Variants in KCNH8 observed in about 807,000 individuals in gnomAD.
KCNH8 encodes potassium voltage-gated channel subfamily H member 8, also known as voltage-gated delayed rectifier potassium channel KCNH8.
KCNH8 carries 70 observed loss-of-function variants against 103.6 expected under a neutral mutation model. The ratio of observed to expected loss-of-function variants is 0.68; its 90% CI spans 0.56 to 0.82. KCNH8 has a LOEUF of 0.82. KCNH8 is among the 40% of genes least tolerant of loss of function. The probability of loss-of-function intolerance (pLI) is 0.00; values close to 1 mark genes in which losing one functional copy is unlikely to be tolerated. For synonymous variants in KCNH8, 498 were observed against 489.4 expected, an observed-to-expected ratio of 1.02 and a Z score of -0.23; for missense variants, 1,217 against 1,329.9, an observed-to-expected ratio of 0.92 and a Z score of 1.32.
intron 1 of KCNH8, among the ~76,000 whole-genome samples, chr3:19,249,249 C>T (rs185798755): frequency 6.6e-6 from 1 of 152,094 alleles, no homozygotes; most frequent in Admixed American, 6.6e-5. Flanking sequence ...TTAGGGATTC[C>T]AGGACTGGGA....
At chr3:19,265,567 C>G (rs182291770) in intron 2 of KCNH8, among the ~76,000 whole-genome samples, 8 of 151,972 alleles carry the variant, frequency 5.3e-5, no homozygotes, top group Non-Finnish European at 1.0e-4. Flanking sequence ...ATTAAGGAGC[C>G]TGGAATCTAA....
intron 2 of KCNH8, among the ~76,000 whole-genome samples, chr3:19,278,936 C>T (rs569577039): frequency 5.3e-4 from 81 of 152,202 alleles, no homozygotes; most frequent in African/African-American, 1.8e-3. Context: ...TGCACCTATG[C>T]AAAGGCTCTT....
At chr3:19,313,612 T>C (rs1224062771) in intron 3 of KCNH8, among the ~76,000 whole-genome samples, 1 of 151,576 alleles carries the variant, frequency 6.6e-6, no homozygotes, top group Non-Finnish European at 1.5e-5. Flanking sequence ...CATGCAGTAT[T>C]ACCAGCCAGA....
At chr3:19,233,791 C>G (rs147284502) in intron 1 of KCNH8, among the ~76,000 whole-genome samples, 3,003 of 152,068 alleles carry the variant, frequency 0.02, 79 homozygotes, top group African/African-American at 0.066. Context: ...CATGGACCCT[C>G]GCGGTGAGTG....
At chr3:19,295,476 A>G (rs1186304202) in intron 3 of KCNH8, among the ~76,000 whole-genome samples, 1 of 152,192 alleles carries the variant, frequency 6.6e-6, no homozygotes, top group African/African-American at 2.4e-5. Context: ...GACCGCCTGT[A>G]TGGATATACA....
intron 11 of KCNH8, among the ~76,000 whole-genome samples, chr3:19,472,823 T>A (rs371658889): frequency 1.3e-5 from 2 of 152,330 alleles, no homozygotes; most frequent in East Asian, 3.9e-4. Context: ...CAAGCATGTG[T>A]TTCAAATAAG....
At chr3:19,152,113 G>A (rs879438946) in intron 1 of KCNH8, among the ~76,000 whole-genome samples, 2 of 151,496 alleles carry the variant, frequency 1.3e-5, no homozygotes, top group Non-Finnish European at 2.9e-5. Context: ...CACTCCTAAC[G>A]TTATGGCCTG....
intron 7 of KCNH8, among the ~76,000 whole-genome samples, chr3:19,418,592 G>A (rs984928106): frequency 6.6e-6 from 1 of 151,840 alleles, no homozygotes; most frequent in Non-Finnish European, 1.5e-5. Context: ...TCACTAATTT[G>A]CCATCCTGGA....
chr3:19,257,364 G>A (rs1415163531), intron 2 of KCNH8, among the ~76,000 whole-genome samples: 1 of 151,956 alleles, frequency 6.6e-6, no homozygotes, highest in Non-Finnish European at 1.5e-5. Flanking sequence ...ACCACATAGT[G>A]GGAGATCATC....
At chr3:19,515,525 T>C in intron 14 of KCNH8, 97 bp downstream of exon 14, 1 of 505,516 alleles carries the variant, frequency 2.0e-6, no homozygotes, top group Non-Finnish European at 3.4e-6. Context: ...TTCCTGTCCT[T>C]AGAATATTCT....
chr3:19,193,764 T>G (rs1272904780), intron 1 of KCNH8, among the ~76,000 whole-genome samples: 1 of 151,750 alleles, frequency 6.6e-6, no homozygotes, highest in Non-Finnish European at 1.5e-5. Context: ...AAAGCAAGCA[T>G]TGTTTCATTG....
Position 19,497,553 on chromosome 3 carries a change from A to G in KCNH8, c.2041-12810A>G, listed in dbSNP as rs151049451. 1.1e-3 allele frequency among the ~76,000 whole-genome samples: 166 copies of G among 152,232 alleles called. No homozygotes were observed. The East Asian group carries it at 0.028, about 26-fold the overall frequency. On this transcript the variant is annotated intron_variant, in intron 11 of 15. Coordinates refer to ENST00000328405, the MANE Select transcript of KCNH8 (RefSeq NM_144633.3). Reference sequence around the variant, plus strand: ...ATTTCCATGTAACTGTATGGTTTTGAGAGATTTTCTTAATGTTGATTTCTG... The same window carrying G: ...ATTTCCATGTAACTGTATGGTTTTGGGAGATTTTCTTAATGTTGATTTCTG...
chr3:19,478,086 CATA>C (rs2068013536), intron 11 of KCNH8, among the ~76,000 whole-genome samples: 1 of 152,098 alleles, frequency 6.6e-6, no homozygotes, highest in African/African-American at 2.4e-5. Context: ...CTGCAGAAAA[CATA>C]ATTTTATTTT....
chr3:19,469,118 G>C (rs1250376961), intron 11 of KCNH8, among the ~76,000 whole-genome samples: 1 of 152,164 alleles, frequency 6.6e-6, no homozygotes, highest in Non-Finnish European at 1.5e-5. Context: ...TGCTAGCCGA[G>C]TCCTGCATAA....
chr3:19,344,290 G>A (rs1316212919), intron 4 of KCNH8, among the ~76,000 whole-genome samples: 2 of 152,072 alleles, frequency 1.3e-5, no homozygotes, highest in Non-Finnish European at 2.9e-5. Flanking sequence ...AGCTGACACT[G>A]TCTAGCTTTT....
rs576522565 is a variant in KCNH8, at chr3:19,294,800, C to A, written c.442+13471C>A. On this transcript the variant is annotated intron_variant, in intron 3 of 15. Coordinates refer to ENST00000328405, the MANE Select transcript of KCNH8 (RefSeq NM_144633.3). ...GCCATAGGCTGTGGTAAGTACTAGG[C>A]ATAATAGTCATGGCATGCTTCACCA... is the stretch of plus-strand genomic sequence containing the variant. Among the ~76,000 whole-genome samples the A allele has an allele frequency of 2.0e-5, 3 of 152,142 alleles. No homozygotes were observed. The South Asian group carries it at 6.2e-4, about 32-fold the overall frequency.
intron 1 of KCNH8, among the ~76,000 whole-genome samples, chr3:19,152,935 TAAAAAGAAAAA>T (rs2063144514): frequency 1.3e-5 from 2 of 151,218 alleles, no homozygotes; most frequent in South Asian, 2.1e-4. Context: ...GACTCTGTCT[TAAAAAGAAAAA>T]AAAAAGAAAA....
intron 5 of KCNH8, among the ~76,000 whole-genome samples, chr3:19,370,572 T>C (rs1454948912): frequency 2.0e-5 from 3 of 152,068 alleles, no homozygotes; most frequent in Non-Finnish European, 4.4e-5. Flanking sequence ...GCTAAGATAA[T>C]TTTAAAGAAT....
chr3:19,370,877 G>C (rs1392920161), intron 5 of KCNH8, among the ~76,000 whole-genome samples: 1 of 151,460 alleles, frequency 6.6e-6, no homozygotes, highest in East Asian at 1.9e-4. Context: ...TTTTCTTCTT[G>C]AGATAGTTTA....
Sources: allele counts gnomAD v4.1 joint callset (sites outside exome capture counted in the v4.1 genomes callset), GRCh38; gene constraint gnomAD v4.1.1; transcripts MANE v1.5; gene names NCBI Gene and HGNC (gene_info 2026-07-23, HGNC 2026-07-21).